The following XCR1 variants were observed in gnomAD, a reference collection of about 807,000 sequenced individuals.
The protein encoded by XCR1 is X-C motif chemokine receptor 1, also known as chemokine XC receptor 1.
For synonymous variants in XCR1, 187 were observed against 188.5 expected, an observed-to-expected ratio of 0.99 and a Z score of 0.06; for missense variants, 356 against 424.2, an observed-to-expected ratio of 0.84 and a Z score of 1.41.
intron 2 of XCR1, among the ~76,000 whole-genome samples, chr3:46,074,949 C>T (rs780461134): frequency 2.1e-4 from 32 of 152,030 alleles, no homozygotes; most frequent in Non-Finnish European, 4.0e-4. Flanking sequence ...ATTTGAATAG[C>T]CCTGTAACTA....
At chr3:46,074,946 T>C (rs942710208) in intron 2 of XCR1, among the ~76,000 whole-genome samples, 2 of 152,148 alleles carry the variant, frequency 1.3e-5, no homozygotes, top group East Asian at 3.8e-4. Flanking sequence ...ATAATTTGAA[T>C]AGCCCTGTAA....
At chr3:46,064,091 T>G (rs1698016168) in intron 4 of XCR1, among the ~76,000 whole-genome samples, 1 of 152,174 alleles carries the variant, frequency 6.6e-6, no homozygotes, top group African/African-American at 2.4e-5. Context: ...CATCCTGGTC[T>G]CAAACTCCTG....
intron 1 of XCR1, among the ~76,000 whole-genome samples, chr3:46,078,660 T>A (rs767248714): frequency 4.6e-5 from 7 of 152,230 alleles, no homozygotes; most frequent in Non-Finnish European, 1.0e-4. Context: ...AGCTGCTTCC[T>A]ATTGTTTGAA....
At chr3:46,049,245 G>C (rs889974306) in intron 5 of XCR1, among the ~76,000 whole-genome samples, 1 of 151,738 alleles carries the variant, frequency 6.6e-6, no homozygotes, top group Non-Finnish European at 1.5e-5. Context: ...GGCTCCAGGG[G>C]CATGCTGGCA....
chr3:46,065,893 G>A (rs929067081), intron 4 of XCR1, among the ~76,000 whole-genome samples: 10 of 152,184 alleles, frequency 6.6e-5, no homozygotes, highest in Admixed American at 1.3e-4. Context: ...AGCTTGAGGC[G>A]TCTTTGCCTG....
chr3:46,057,685 C>T (rs900180231), intron 4 of XCR1, among the ~76,000 whole-genome samples: 1 of 152,044 alleles, frequency 6.6e-6, no homozygotes, highest in African/African-American at 2.4e-5. Flanking sequence ...AGTTGAAAGG[C>T]GTGAATGCAG....
At chr3:46,025,240 A>C (rs1030625255) in intron 1 of XCR1, among the ~76,000 whole-genome samples, 3 of 151,698 alleles carry the variant, frequency 2.0e-5, no homozygotes, top group African/African-American at 7.3e-5. Context: ...ACAACATTTT[A>C]ATACATTGAT....
At chr3:46,038,959 T>C (rs191271837) in intron 5 of XCR1, among the ~76,000 whole-genome samples, 62 of 152,054 alleles carry the variant, frequency 4.1e-4, no homozygotes, top group Non-Finnish European at 6.3e-4. Context: ...AATTAAGTGA[T>C]ATTCACTTTG....
At chr3:46,038,023 G>GTT (rs1254638392) in intron 5 of XCR1, among the ~76,000 whole-genome samples, 5 of 105,156 alleles carry the variant, frequency 4.8e-5, no homozygotes, top group African/African-American at 2.6e-4. Flanking sequence ...GCACGGGTTT[G>GTT]TTTTTTGTTT....
At chr3:46,072,702 C>G (rs1698183180) in intron 3 of XCR1, among the ~76,000 whole-genome samples, 1 of 152,092 alleles carries the variant, frequency 6.6e-6, no homozygotes, top group South Asian at 2.1e-4. Flanking sequence ...CCACAGAAAT[C>G]TACAGATTCA....
chr3:46,068,346 C>T (rs1698111591), intron 3 of XCR1, among the ~76,000 whole-genome samples: 1 of 152,110 alleles, frequency 6.6e-6, no homozygotes, highest in Non-Finnish European at 1.5e-5. Context: ...GGAGCAGCTG[C>T]TGGCATCTAG....
chr3:46,034,327 G>T (rs186107498), intron 5 of XCR1, among the ~76,000 whole-genome samples: 1 of 152,150 alleles, frequency 6.6e-6, no homozygotes, highest in Admixed American at 6.5e-5. Context: ...CCTTCTGCAG[G>T]CTTGCTATAT....
chr3:46,049,535 T>C (rs181541542), intron 5 of XCR1, among the ~76,000 whole-genome samples: 13 of 152,348 alleles, frequency 8.5e-5, no homozygotes, highest in Non-Finnish European at 1.9e-4. Flanking sequence ...TTTTTAATTG[T>C]AGCAGTTTCT....
At chr3:46,047,670 T>A (rs960163632) in intron 5 of XCR1, among the ~76,000 whole-genome samples, 1 of 152,204 alleles carries the variant, frequency 6.6e-6, no homozygotes, top group Admixed American at 6.5e-5. Flanking sequence ...TCCTAGATAA[T>A]GCCACTGAGG....
At chr3:46,048,736 C>T (rs1697681815) in intron 5 of XCR1, among the ~76,000 whole-genome samples, 1 of 152,172 alleles carries the variant, frequency 6.6e-6, no homozygotes, top group African/African-American at 2.4e-5. Flanking sequence ...TCCTCTTTTC[C>T]TCTAACACTT....
At chr3:46,050,989 T>C (rs961835941) in intron 5 of XCR1, among the ~76,000 whole-genome samples, 1 of 152,222 alleles carries the variant, frequency 6.6e-6, no homozygotes, top group African/African-American at 2.4e-5. Context: ...ATTCAATTGC[T>C]CTTTTACCAA....
At chr3:46,059,482 T>C in intron 4 of XCR1, among the ~76,000 whole-genome samples, 1 of 152,208 alleles carries the variant, frequency 6.6e-6, no homozygotes, top group Admixed American at 6.5e-5. Flanking sequence ...GTCTCAGGGT[T>C]CAGTCCCACA....
At chr3:46,038,081 G>A (rs1003146320) in intron 5 of XCR1, among the ~76,000 whole-genome samples, 22 of 148,782 alleles carry the variant, frequency 1.5e-4, no homozygotes, top group African/African-American at 1.7e-4. Flanking sequence ...AGGCTGGAGT[G>A]CAATGGTGCA....
At chr3:46,067,046 C>T (rs1698090333) in intron 3 of XCR1, among the ~76,000 whole-genome samples, 1 of 152,156 alleles carries the variant, frequency 6.6e-6, no homozygotes, top group Non-Finnish European at 1.5e-5. Flanking sequence ...CATATTCAGC[C>T]AGGCCATTGG....
Sources: gnomAD v4.1 joint callset for allele counts (sites outside exome capture counted in the v4.1 genomes callset) on GRCh38, gnomAD v4.1.1 for gene constraint, MANE v1.5 for transcripts, NCBI Gene and HGNC (gene_info 2026-07-23, HGNC 2026-07-21) for gene names.